Variants in RIN3 observed in about 807,000 individuals in gnomAD.
RIN3 encodes the protein Ras and Rab interactor 3.
A neutral mutation model predicts 76.3 loss-of-function variants in RIN3; 54 were observed. The ratio of observed to expected loss-of-function variants is 0.71; its 90% CI spans 0.57 to 0.89. The LOEUF is 0.89. Ranked by LOEUF, RIN3 falls within the 40% of genes least tolerant of loss-of-function variation. The pLI, the probability that RIN3 is intolerant of heterozygous loss-of-function variation, is 0.00. For missense variants in RIN3, 1,256 were observed against 1,322.1 expected (o/e 0.95, Z 0.78); for synonymous variants, 576 against 564.0 (o/e 1.02, Z -0.30).
chr14:92,561,076 A>AAT (rs1178659728), intron 2 of RIN3, among the ~76,000 whole-genome samples: 12 of 106,654 alleles, frequency 1.1e-4, no homozygotes, highest in Admixed American at 2.4e-4. Context: ...ATATGCCATA[A>AAT]ATATATATAT....
intron 5 of RIN3, among the ~76,000 whole-genome samples, chr14:92,646,431 GTGTT>G (rs987235294): frequency 2.0e-5 from 3 of 152,242 alleles, no homozygotes; most frequent in African/African-American, 7.2e-5. Flanking sequence ...CAAGCATGTT[GTGTT>G]TGTTTGTTTG....
At chr14:92,658,459 G>T (rs1257360579) in intron 6 of RIN3, among the ~76,000 whole-genome samples, 1 of 152,230 alleles carries the variant, frequency 6.6e-6, no homozygotes, top group Admixed American at 6.5e-5. Flanking sequence ...AGGCCATGAG[G>T]AGTCTTTGGC....
chr14:92,553,124 G>T (rs11849514), intron 1 of RIN3, among the ~76,000 whole-genome samples: 1 of 151,934 alleles, frequency 6.6e-6, no homozygotes, highest in African/African-American at 2.4e-5. Context: ...CCATTGCACA[G>T]ATGAGGAAAC....
At chr14:92,644,899 A>C (rs185731003) in intron 5 of RIN3, 1 of 152,392 alleles carries the variant, frequency 6.6e-6, no homozygotes, top group East Asian at 1.9e-4. Context: ...CACACCAGGC[A>C]TTGTGCCTGG....
intron 3 of RIN3, among the ~76,000 whole-genome samples, chr14:92,608,381 A>G (rs553978780): frequency 6.6e-6 from 1 of 152,334 alleles, no homozygotes; most frequent in Non-Finnish European, 1.5e-5. Context: ...TATTTTATTA[A>G]TGCAATTAAA....
intron 4 of RIN3, among the ~76,000 whole-genome samples, chr14:92,640,053 G>A (rs371159798): frequency 9.1e-5 from 13 of 143,546 alleles, no homozygotes; most frequent in Non-Finnish European, 1.5e-4. Flanking sequence ...TGTGTTCGTC[G>A]GGGGCTGCCT....
intron 5 of RIN3, 70 bp from the exon 6 acceptor site, chr14:92,651,512 A>AACCCCC: frequency 4.0e-6 from 3 of 741,952 alleles, no homozygotes; most frequent in Non-Finnish European, 4.1e-6. Flanking sequence ...CCGCCCACAG[A>AACCCCC]CCCCGCCCAG....
intron 3 of RIN3, among the ~76,000 whole-genome samples, chr14:92,588,580 A>G (rs1236200034): frequency 5.9e-5 from 9 of 152,038 alleles, no homozygotes; most frequent in Admixed American, 3.9e-4. Context: ...TGGATCCCTC[A>G]TGATTCCACC....
intron 3 of RIN3, among the ~76,000 whole-genome samples, chr14:92,608,136 A>G (rs771644554): frequency 9.2e-5 from 14 of 152,308 alleles, no homozygotes; most frequent in East Asian, 1.9e-4. Flanking sequence ...GCCTAATACT[A>G]TACAAACACA....
At chr14:92,609,686 T>C (rs1885652681) in intron 3 of RIN3, among the ~76,000 whole-genome samples, 2 of 152,282 alleles carry the variant, frequency 1.3e-5, no homozygotes, top group Middle Eastern at 3.4e-3. Flanking sequence ...GCTGTACTAG[T>C]AGGGTTTTGA....
At chr14:92,607,348 C>G (rs1191728227) in intron 3 of RIN3, among the ~76,000 whole-genome samples, 5 of 152,202 alleles carry the variant, frequency 3.3e-5, no homozygotes, top group Non-Finnish European at 7.3e-5. Flanking sequence ...TTGGCAGTTC[C>G]TTTGAAAAGT....
In RIN3 at chr14:92,577,515, C is replaced by T. The variant is rs201728586; in HGVS notation, c.367+38C>T. ...CTTCTCTGTTTTCACTTTGACCACG[C>T]GGCAGCAGCAGCAGCAGAGAGGCTG... On this transcript the variant is annotated intron_variant, in intron 3 of 9. Coordinates refer to ENST00000216487, the MANE Select transcript of RIN3 (RefSeq NM_024832.5). The T allele has an allele frequency of 5.4e-5, 72 of 1,336,180 alleles. No individual in the cohort carries two copies. The East Asian group carries it at 7.4e-4, about 14-fold the overall frequency. The allele number at this position is 1,336,180 out of a possible 1,614,324, so 82.8% of individuals were successfully genotyped here.
At chr14:92,595,047 CTGCAT>C (rs1885106324) in intron 3 of RIN3, among the ~76,000 whole-genome samples, 1 of 152,202 alleles carries the variant, frequency 6.6e-6, no homozygotes, top group Non-Finnish European at 1.5e-5. Flanking sequence ...CTGCATACTG[CTGCAT>C]TCATTGATAA....
chr14:92,680,665 G>A (rs1260514366), intron 8 of RIN3, among the ~76,000 whole-genome samples: 2 of 152,318 alleles, frequency 1.3e-5, no homozygotes, highest in East Asian at 1.9e-4. Flanking sequence ...TAGCACATGG[G>A]GCAGGATGAG....
At chr14:92,616,639 T>G (rs1278012320) in intron 4 of RIN3, among the ~76,000 whole-genome samples, 1 of 152,130 alleles carries the variant, frequency 6.6e-6, no homozygotes, top group Non-Finnish European at 1.5e-5. Flanking sequence ...CCCTACCTAT[T>G]GGGGATCAAG....
At chr14:92,536,337 T>G (rs1896998874) in intron 1 of RIN3, among the ~76,000 whole-genome samples, 1 of 152,228 alleles carries the variant, frequency 6.6e-6, no homozygotes, top group Admixed American at 6.5e-5. Context: ...AGATCTGTCC[T>G]TCTATCTCTC....
chr14:92,544,682 G>A (rs1040027829), intron 1 of RIN3, among the ~76,000 whole-genome samples: 4 of 151,750 alleles, frequency 2.6e-5, no homozygotes, highest in South Asian at 4.2e-4. Context: ...TCTGGGACCC[G>A]GGGGTATGTG....
chr14:92,651,502 C>A (rs1223091468), intron 5 of RIN3, 80 bp from the exon 6 acceptor site: 1 of 789,876 alleles, frequency 1.3e-6, no homozygotes, highest in Non-Finnish European at 1.9e-6. Context: ...CCCGTGGACC[C>A]CGCCCACAGA....
At chr14:92,537,596 C>T (rs10132974) in intron 1 of RIN3, among the ~76,000 whole-genome samples, 84,500 of 147,556 alleles carry the variant, frequency 0.57, 24,346 homozygotes, top group Middle Eastern at 0.69. Flanking sequence ...GCTGTACTAA[C>T]TTATGCTTCC....
Sources: allele counts gnomAD v4.1 joint callset (sites outside exome capture counted in the v4.1 genomes callset), GRCh38; gene constraint gnomAD v4.1.1; transcripts MANE v1.5; gene names NCBI Gene and HGNC (gene_info 2026-07-23, HGNC 2026-07-21).